Variants in DCDC1 observed in about 807,000 individuals in gnomAD.
DCDC1 encodes the protein doublecortin domain-containing protein 1.
A neutral mutation model predicts 178.3 loss-of-function variants in DCDC1; 200 were observed. That is an observed-to-expected ratio of 1.12 (90% CI 1.00 to 1.26). The LOEUF (loss-of-function observed/expected upper bound fraction) is 1.26. Among genes scored for constraint, DCDC1 ranks in the 50% most tolerant of loss-of-function variants. The pLI is 0.00. For missense variants in DCDC1, 1,983 were observed against 1,749.2 expected, an observed-to-expected ratio of 1.13 and a Z score of -2.38; for synonymous variants, 690 against 604.8, an observed-to-expected ratio of 1.14 and a Z score of -2.07.
chr11:31,347,468 T>C (rs781720296), intron 1 of DCDC1, among the ~76,000 whole-genome samples: 8 of 152,132 alleles, frequency 5.3e-5, no homozygotes, highest in Non-Finnish European at 1.0e-4. Flanking sequence ...AGCCACCAAG[T>C]ACATTACCAG....
intron 9 of DCDC1, among the ~76,000 whole-genome samples, chr11:31,159,362 G>T (rs1423434065): frequency 6.6e-6 from 1 of 152,148 alleles, no homozygotes; most frequent in South Asian, 2.1e-4. Context: ...TGATTTTTAA[G>T]TACAATTTCA....
chr11:31,254,405 T>G (rs554602558), intron 8 of DCDC1, among the ~76,000 whole-genome samples: 3 of 152,140 alleles, frequency 2.0e-5, no homozygotes, highest in African/African-American at 7.2e-5. Flanking sequence ...ATGTAACATT[T>G]TGAACAACAA....
chr11:30,874,108 G>C (rs1344467019), intron 38 of DCDC1, among the ~76,000 whole-genome samples: 1 of 152,164 alleles, frequency 6.6e-6, no homozygotes, highest in Non-Finnish European at 1.5e-5. Context: ...CATAGCCCCT[G>C]AATACAGGCT....
chr11:31,129,170 C>T (rs1034762971), intron 10 of DCDC1, among the ~76,000 whole-genome samples: 30 of 95,508 alleles, frequency 3.1e-4, no homozygotes, highest in African/African-American at 9.6e-4. Context: ...ACTCATATGA[C>T]CTAAATGTAT....
At position 30,899,606 on chromosome 11, in the gene DCDC1, C is replaced by T. The variant is rs1944507245; in HGVS notation, c.4700G>A (p.Trp1567Ter). 6.4e-7 allele frequency: 1 copy of T among 1,573,606 alleles called. No homozygotes were observed. Among genetic ancestry groups the T allele is most frequent in the Non-Finnish European group, 8.6e-7 (1 of 1,158,922 alleles). The change falls in exon 34 of 39, where the codon TGG becomes TAG. Residue 1567 changes from tryptophan to a stop codon, truncating the protein, a stop_gained. Transcript: ENST00000684477. LOFTEE classifies it high-confidence loss of function. Reference protein sequence around the residue: ...QKAEKLEKQNWLKKDRILADL... With the variant: ...QKAEKLEKQN ...AGCCAAAATTCTGTCCTTTTTTAGCCAGTTCTGTTTCTCTAATTTTTCTGC... is the reference window on the plus strand; with the variant it reads ...AGCCAAAATTCTGTCCTTTTTTAGCTAGTTCTGTTTCTCTAATTTTTCTGC...
rs141917738 is a variant in DCDC1, at chr11:30,870,983, G to T, written c.*41-5651C>A. On this transcript the variant is annotated intron_variant, in intron 38 of 38. Transcript: ENST00000684477. ...CCATGTCCACAGCTTCCTGAGGAAA[G>T]ATCAGTCTACACTGTTCCTTACGTA... is the stretch of plus-strand genomic sequence containing the variant. Among the ~76,000 whole-genome samples, 7 of 152,298 alleles carry T rather than the reference G, an allele frequency of 4.6e-5. No homozygotes were observed. The East Asian group carries it at 1.4e-3, about 29-fold the overall frequency.
intron 19 of DCDC1, 63 bp from the exon 20 acceptor site, chr11:31,064,689 A>C: frequency 1.3e-6 from 1 of 743,992 alleles, no homozygotes; most frequent in Non-Finnish European, 2.5e-6. Context: ...TCTAAACTAT[A>C]CATGCCAAAA....
chr11:30,915,770 C>T, intron 26 of DCDC1, 59 bp from the exon 27 acceptor site: 3 of 1,526,850 alleles, frequency 2.0e-6, no homozygotes, highest in Non-Finnish European at 1.8e-6. Flanking sequence ...TGATCATGCA[C>T]TTGATGTGCT....
At chr11:31,005,978 AC>A (rs1374982681) in intron 20 of DCDC1, among the ~76,000 whole-genome samples, 25 of 148,008 alleles carry the variant, frequency 1.7e-4, no homozygotes, top group Non-Finnish European at 3.4e-4. Context: ...AAAAAAAAAA[AC>A]TTTTGGTCCT....
At chr11:31,345,616 C>G (rs1950775242) in intron 1 of DCDC1, among the ~76,000 whole-genome samples, 1 of 151,952 alleles carries the variant, frequency 6.6e-6, no homozygotes, top group South Asian at 2.1e-4. Context: ...ATGAAAACAT[C>G]AAGCATATAA....
At chr11:30,896,614 CA>C (rs1944233517) in intron 34 of DCDC1, among the ~76,000 whole-genome samples, 1 of 152,168 alleles carries the variant, frequency 6.6e-6, no homozygotes, top group African/African-American at 2.4e-5. Context: ...TTAAATGCTC[CA>C]ACATTGCCTT....
At chr11:31,254,177 A>G (rs925513515) in intron 8 of DCDC1, among the ~76,000 whole-genome samples, 5 of 152,202 alleles carry the variant, frequency 3.3e-5, no homozygotes, top group Non-Finnish European at 2.9e-5. Context: ...TTGGAAGATT[A>G]TTCCAAGTGA....
rs1364544635 is a variant in DCDC1 at position 31,064,558 on chromosome 11, C to A, written c.2502G>T (p.Met834Ile). ...CCGTCTCCTCAAGAGAACCTTCTGG[C>A]ATTAAATGGGTGTCTGAGGGTTCTG... ...QLPEPSDTHL[M>I]PEGSLEETGE... The change falls in exon 20 of 39, where the codon ATG becomes ATT. Residue 834 changes from methionine (M) to isoleucine (I), a missense_variant. Coordinates refer to ENST00000684477, the MANE Select transcript of DCDC1 (RefSeq NM_001387274.1). The A allele has an allele frequency of 1.3e-6, 1 of 765,874 alleles. No homozygotes were observed. Among genetic ancestry groups the A allele is most frequent in the African/African-American group, 1.7e-5 (1 of 59,090 alleles). 47.4% of individuals were successfully genotyped at this position (765,874 alleles called of 1,614,324 possible).
At chr11:30,911,233 C>T (rs1353625021) in intron 28 of DCDC1, 94 bp downstream of exon 28, 14 of 958,202 alleles carry the variant, frequency 1.5e-5, no homozygotes, top group Middle Eastern at 4.3e-4. Context: ...GATTCTATGA[C>T]AGTTTTTTTT....
chr11:31,339,108 C>CT (rs1950414816), intron 1 of DCDC1, among the ~76,000 whole-genome samples: 1 of 152,074 alleles, frequency 6.6e-6, no homozygotes, highest in Non-Finnish European at 1.5e-5. Context: ...AAATAGACTT[C>CT]TTTTTTCCAT....
At chr11:31,078,647 T>C (rs1590967185) in intron 17 of DCDC1, among the ~76,000 whole-genome samples, 1 of 152,166 alleles carries the variant, frequency 6.6e-6, no homozygotes, top group Non-Finnish European at 1.5e-5. Context: ...GGGCAGAGTA[T>C]GTAAAGGCAG....
intron 9 of DCDC1, among the ~76,000 whole-genome samples, chr11:31,225,730 C>T (rs999951780): frequency 3.2e-4 from 48 of 149,040 alleles, no homozygotes; most frequent in African/African-American, 1.1e-3. Context: ...TCTATATCTA[C>T]CTAGATACAT....
chr11:31,297,579 T>C (rs1292033736), intron 6 of DCDC1, among the ~76,000 whole-genome samples: 2 of 152,076 alleles, frequency 1.3e-5, no homozygotes, highest in Non-Finnish European at 2.9e-5. Flanking sequence ...ACTCCTGACC[T>C]TGTAATCTGC....
At chr11:31,080,730 T>G (rs1957119416) in intron 17 of DCDC1, among the ~76,000 whole-genome samples, 5 of 152,178 alleles carry the variant, frequency 3.3e-5, no homozygotes, top group Admixed American at 3.3e-4. Flanking sequence ...AGAAATGTGT[T>G]GGGTTGCGAT....
Sources: gnomAD v4.1 joint callset for allele counts (sites outside exome capture counted in the v4.1 genomes callset) on GRCh38, gnomAD v4.1.1 for gene constraint, MANE v1.5 for transcripts, NCBI Gene and HGNC (gene_info 2026-07-23, HGNC 2026-07-21) for gene names.